The following LRP1 variants were observed in gnomAD, a reference collection of about 807,000 sequenced individuals.
LRP1 encodes the protein LDL receptor related protein 1, also known as prolow-density lipoprotein receptor-related protein 1.
A neutral mutation model predicts 541.5 loss-of-function variants in LRP1; 51 were observed. The ratio of observed to expected loss-of-function variants is 0.09; its 90% CI spans 0.08 to 0.12. The LOEUF is 0.12. Ranked by LOEUF, LRP1 falls within the 10% of genes least tolerant of loss-of-function variation. The pLI is 1.00. For synonymous variants in LRP1, 2,219 were observed against 2,470.8 expected (o/e 0.90, Z 3.02); for missense variants, 3,878 against 6,376.2 (o/e 0.61, Z 13.34).
In LRP1 at chr12:57,201,549, C is replaced by T; in HGVS notation, c.10398C>T (p.Cys3466=). The change falls in exon 66 of 89, where the codon TGC becomes TGT. Residue 3466 remains cysteine, a synonymous_variant. Transcript: ENST00000243077. The surrounding 1 kb of genome is among the most constrained non-coding windows in gnomAD (Gnocchi z 6.4). ...NQFQCSITKR[C]IPRVWVCDRD... ...TCCAGTGCTCCATTACCAAACGGTGCATCCCCCGGGTCTGGGTCTGCGACC... is the reference window on the plus strand; with the variant it reads ...TCCAGTGCTCCATTACCAAACGGTGTATCCCCCGGGTCTGGGTCTGCGACC... 3.1e-6 allele frequency: 5 copies of T among 1,614,092 alleles called. No individual in the cohort carries two copies. Among genetic ancestry groups the T allele is most frequent in the East Asian group, 2.2e-5 (1 of 44,874 alleles).
chr12:57,211,907 G>T lies in LRP1; in HGVS notation c.13259-20G>T. 6.2e-7 allele frequency: 1 copy of T among 1,613,886 alleles called. No homozygotes were observed. The highest frequency in any genetic ancestry group is 1.3e-5 in the African/African-American group (1 of 75,004). ...CTTCCCTGAGCCTTGGTGACTCAGTGTCCCACCTCTTCCCTCCAGATATAG... is the reference window on the plus strand; with the variant it reads ...CTTCCCTGAGCCTTGGTGACTCAGTTTCCCACCTCTTCCCTCCAGATATAG... On this transcript the variant is annotated intron_variant, in intron 86 of 88. Coordinates refer to ENST00000243077, the MANE Select transcript of LRP1 (RefSeq NM_002332.3). The surrounding 1 kb of genome is among the most constrained non-coding windows in gnomAD (Gnocchi z 4.3).
Position 57,156,791 on chromosome 12 carries a change from T to C in LRP1, c.1432T>C (p.Cys478Arg). 2 of 1,608,824 alleles carry C rather than the reference T, an allele frequency of 1.2e-6. No individual in the cohort carries two copies. The highest frequency in any genetic ancestry group is 1.7e-6 in the Non-Finnish European group (2 of 1,177,042). Residue 478 changes from cysteine (C) to arginine (R), a missense_variant, in exon 10 of 89, where the codon TGT becomes CGT. Physicochemically the swap from Cys to Arg is radical, Grantham distance 180. Coordinates refer to ENST00000243077, the MANE Select transcript of LRP1 (RefSeq NM_002332.3). The surrounding 1 kb of genome is among the most constrained non-coding windows in gnomAD (Gnocchi z 5.2). The stretch of plus-strand genomic sequence containing the variant: ...CCTGCCCCCAGTGAGGAGCCATGCC[T>C]GTGAAAACGACCAGTATGGGAAGCC... ...RRQPRVRSHA[C>R]ENDQYGKPGG...
chr12:57,207,257 A>G (rs1433009302), intron 76 of LRP1, among the ~76,000 whole-genome samples: 2 of 137,886 alleles, frequency 1.5e-5, no homozygotes, highest in South Asian at 2.4e-4. Context: ...TAAATAAATA[A>G]ATAAATAAAT....
rs1171608928 is a variant in LRP1 at position 57,200,820 on chromosome 12, G to C, written c.10225+5G>C. On this transcript the variant is annotated splice_donor_5th_base_variant and intron_variant, in intron 64 of 88. Transcript: ENST00000243077. ...ACAGTGACGAGGCCAACTGTGGTAAGGCGCTGCCCGCCCACCCTCCCTCCT... is the reference window on the plus strand; with the variant it reads ...ACAGTGACGAGGCCAACTGTGGTAACGCGCTGCCCGCCCACCCTCCCTCCT... The C allele has an allele frequency of 6.2e-7, 1 of 1,608,456 alleles. No homozygotes were observed. Among genetic ancestry groups the C allele is most frequent in the Non-Finnish European group, 8.5e-7 (1 of 1,176,156 alleles).
intron 54 of LRP1, 30 bp from the exon 55 acceptor site, chr12:57,196,057 C>G (rs375320700): frequency 1.2e-6 from 2 of 1,610,206 alleles, no homozygotes; most frequent in Non-Finnish European, 1.7e-6. Flanking sequence ...CCTGAGACCC[C>G]GCTGACCTGC....
rs1024380641 is a variant in LRP1 at position 57,204,817 on chromosome 12, G to A, written c.11194+68G>A. ...GCACAGTGGGGTGAGTCTGGTCCTC[G>A]TGGGAGCTGCACTGGGGTTAGGGTT... On this transcript the variant is annotated intron_variant, in intron 72 of 88. Coordinates refer to ENST00000243077, the MANE Select transcript of LRP1 (RefSeq NM_002332.3). This position sits in a 1 kb window ranked among gnomAD's most constrained non-coding sequence, Gnocchi z 5.3. 10 of 1,595,694 alleles carry A rather than the reference G, an allele frequency of 6.3e-6. No individual in the cohort carries two copies. In the East Asian group the frequency reaches 9.0e-5, roughly 14 times the overall value.
rs771819987 is a variant in LRP1 at position 57,210,378 on chromosome 12, C to T, written c.12652C>T (p.Pro4218Ser). 6.2e-7 allele frequency: 1 copy of T among 1,606,130 alleles called. No homozygotes were observed. The highest frequency in any genetic ancestry group is 1.1e-5 in the South Asian group (1 of 89,934). ...CTGTTTCCTCAATGCACGGAGGCAG[C>T]CCAAGTGCCGCTGCCAACCCCGCTA... is the stretch of plus-strand genomic sequence containing the variant. ...GSCFLNARRQ[P>S]KCRCQPRYTG... The change falls in exon 82 of 89, where the codon CCC (proline) becomes TCC (serine). Residue 4218 changes from proline (P) to serine (S), a missense_variant. This residue lies in a region of LRP1 where 871 missense variants were observed against 1,212.4 expected (regional missense o/e 0.72). Coordinates refer to ENST00000243077, the MANE Select transcript of LRP1 (RefSeq NM_002332.3).
In LRP1 at chr12:57,180,717, A is replaced by G. The variant is rs1181283581; in HGVS notation, c.5437A>G (p.Ser1813Gly). 1.9e-6 allele frequency: 3 copies of G among 1,614,106 alleles called. No homozygotes were observed. The highest frequency in any genetic ancestry group is 2.5e-6 in the Non-Finnish European group (3 of 1,179,934). The change falls in exon 33 of 89, where the codon AGC (serine) becomes GGC (glycine). Residue 1813 changes from serine to glycine, a missense_variant. Physicochemically the swap from Ser to Gly is moderately conservative, Grantham distance 56 (BLOSUM62 0). Transcript: ENST00000243077. The stretch of plus-strand genomic sequence containing the variant: ...GGTGTCGGAAAAGATGGGCACATGC[A>G]GCAAGGCTGACGGCTCGGGCTCCGT... The part of the protein sequence containing the change: ...DQVSEKMGTC[S>G]KADGSGSVVL...
At position 57,154,304 on chromosome 12, in the gene LRP1, C is replaced by T. The variant is rs1565721826; in HGVS notation, c.938C>T (p.Thr313Ile). The T allele has an allele frequency of 6.2e-7, 1 of 1,614,160 alleles. No homozygotes were observed. Among genetic ancestry groups the T allele is most frequent in the South Asian group, 1.1e-5 (1 of 91,086 alleles). Reference sequence around the variant, plus strand: ...TTTGTCTGCAACAGAAATGGGGACACATGTGTCACATTGCTAGACCTGGAA... The same window carrying T: ...TTTGTCTGCAACAGAAATGGGGACATATGTGTCACATTGCTAGACCTGGAA... Reference protein sequence around the residue: ...RIFVCNRNGDTCVTLLDLELY... With the variant: ...RIFVCNRNGDICVTLLDLELY... Residue 313 changes from threonine to isoleucine, a missense_variant, in exon 7 of 89, where the codon ACA (threonine) becomes ATA (isoleucine). This residue lies in a region of LRP1 where 496 missense variants were observed against 861.0 expected (regional missense o/e 0.58). Coordinates refer to ENST00000243077, the MANE Select transcript of LRP1 (RefSeq NM_002332.3). This position sits in a 1 kb window ranked among gnomAD's most constrained non-coding sequence, Gnocchi z 4.6.
chr12:57,179,008 C>T lies in LRP1; in HGVS notation c.4725C>T (p.Asn1575=). ...ACCTCATGAAGCTCCACAAGGACAACACCACCTGCTATGGTAGGAGCCCCT... is the reference window on the plus strand; with the variant it reads ...ACCTCATGAAGCTCCACAAGGACAATACCACCTGCTATGGTAGGAGCCCCT... The part of the protein sequence containing the change: ...CPHLMKLHKD[N]TTCYEFKKFL... The change falls in exon 28 of 89, where the codon AAC becomes AAT. Residue 1575 remains asparagine, a synonymous_variant. Coordinates refer to ENST00000243077, the MANE Select transcript of LRP1 (RefSeq NM_002332.3). The surrounding 1 kb of genome is among the most constrained non-coding windows in gnomAD (Gnocchi z 6.8). 6.2e-7 allele frequency: 1 copy of T among 1,614,064 alleles called. No homozygotes were observed.
At chr12:57,151,693 T>G (rs1249344521) in intron 6 of LRP1, among the ~76,000 whole-genome samples, 1 of 152,216 alleles carries the variant, frequency 6.6e-6, no homozygotes, top group Non-Finnish European at 1.5e-5. Flanking sequence ...AGGGCAGCCC[T>G]GGAGGCAAGG....
In LRP1 at chr12:57,128,558, G is replaced by T; in HGVS notation, c.-407G>T. The T allele has an allele frequency of 2.5e-6, 1 of 397,378 alleles. No homozygotes were observed. The highest frequency in any genetic ancestry group is 4.4e-6 in the Non-Finnish European group (1 of 225,054). The allele number at this position is 397,378 out of a possible 1,614,324, so 24.6% of individuals were successfully genotyped here. The stretch of plus-strand genomic sequence containing the variant: ...GGCGGAAACAAGGGGAGCCCCCAGA[G>T]CTCCATCAAGCCCCCTCCAAAGGCT... On this transcript the variant is annotated 5_prime_UTR_variant, in exon 1 of 89. Coordinates refer to ENST00000243077, the MANE Select transcript of LRP1 (RefSeq NM_002332.3).
intron 22 of LRP1, 43 bp downstream of exon 22, chr12:57,174,023 T>C (rs745745955): frequency 6.3e-7 from 1 of 1,592,790 alleles, no homozygotes; most frequent in Admixed American, 1.7e-5. Context: ...GGTGGCTGGG[T>C]AGGAGTCTGG....
At chr12:57,153,218 G>C (rs887079048) in intron 6 of LRP1, among the ~76,000 whole-genome samples, 24 of 152,142 alleles carry the variant, frequency 1.6e-4, no homozygotes, top group Non-Finnish European at 1.0e-4. Flanking sequence ...GGGGTAGTGA[G>C]TAGATGGAAG....
rs757369536 is a variant in LRP1, at chr12:57,185,273, G to A, written c.6463+68G>A. 240 of 1,589,308 alleles carry A rather than the reference G, an allele frequency of 1.5e-4. No homozygotes were observed. Among genetic ancestry groups the A allele is most frequent in the Non-Finnish European group, 1.9e-4 (225 of 1,164,812 alleles). The stretch of plus-strand genomic sequence containing the variant: ...CTCTGGCCTGGGAGAGTGCTCCCCA[G>A]GGAACCCAGTGTGAGAGGGCTGGGA... On this transcript the variant is annotated intron_variant, in intron 40 of 88. Coordinates refer to ENST00000243077, the MANE Select transcript of LRP1 (RefSeq NM_002332.3). This position sits in a 1 kb window ranked among gnomAD's most constrained non-coding sequence, Gnocchi z 4.9.
In LRP1 at chr12:57,211,094, CA is replaced by C; in HGVS notation, c.12917-79del. 1 of 1,500,216 alleles carries C rather than the reference CA, an allele frequency of 6.7e-7. No homozygotes were observed. The highest frequency in any genetic ancestry group is 9.1e-7 in the Non-Finnish European group (1 of 1,095,450). The allele number at this position is 1,500,216 out of a possible 1,614,324, so 92.9% of individuals were successfully genotyped here. On this transcript the variant is annotated intron_variant, in intron 83 of 88. Transcript: ENST00000243077. This position sits in a 1 kb window ranked among gnomAD's most constrained non-coding sequence, Gnocchi z 4.3. ...GTGCACCCCCTGCACCAAGATTATGCAAACAGAAAAGCTCTGTTCAACCTAT... is the reference window on the plus strand; with the variant it reads ...GTGCACCCCCTGCACCAAGATTATGCAACAGAAAAGCTCTGTTCAACCTAT...
In LRP1 at chr12:57,156,331, G is replaced by A; in HGVS notation, c.1417+48G>A. On this transcript the variant is annotated intron_variant, in intron 9 of 88. Coordinates refer to ENST00000243077, the MANE Select transcript of LRP1 (RefSeq NM_002332.3). This position sits in a 1 kb window ranked among gnomAD's most constrained non-coding sequence, Gnocchi z 5.2. ...TCCAAAGCTGGCTTTACCCCATGAT[G>A]GCTCTGGGACCTTGGGATCACAGCC... The A allele has an allele frequency of 6.3e-7, 1 of 1,585,626 alleles. No homozygotes were observed. Among genetic ancestry groups the A allele is most frequent in the South Asian group, 1.1e-5 (1 of 88,322 alleles).
rs560613460 is a variant in LRP1 at position 57,156,619 on chromosome 12, G to T, written c.1418-158G>T. ...AGAGTTTGAAGGCTGGGTTGTTGGG[G>T]GGCAGAGGGTTTCCACCCCTGTGGC... On this transcript the variant is annotated intron_variant, in intron 9 of 88. Coordinates refer to ENST00000243077, the MANE Select transcript of LRP1 (RefSeq NM_002332.3). This position sits in a 1 kb window ranked among gnomAD's most constrained non-coding sequence, Gnocchi z 5.2. Among the ~76,000 whole-genome samples, 7 of 152,350 alleles carry T rather than the reference G, an allele frequency of 4.6e-5. No individual in the cohort carries two copies. Among genetic ancestry groups the T allele is most frequent in the Admixed American group, 1.3e-4 (2 of 15,308 alleles).
intron 5 of LRP1, 37 bp from the exon 6 acceptor site, chr12:57,145,189 GC>G: frequency 6.2e-7 from 1 of 1,613,728 alleles, no homozygotes. Context: ...TGGTCCTAGA[GC>G]CCTGGCTGCA....
Sources: gnomAD v4.1 joint callset for allele counts (sites outside exome capture counted in the v4.1 genomes callset) on GRCh38, gnomAD v4.1.1 for gene constraint, gnomAD v4.1.1 regional missense constraint, Gnocchi (gnomAD v3.1) non-coding constraint, MANE v1.5 for transcripts, NCBI Gene and HGNC (gene_info 2026-07-23, HGNC 2026-07-21) for gene names.